The following GFRA2 variants were observed in gnomAD, a reference collection of about 807,000 sequenced individuals.
GFRA2 encodes GDNF family receptor alpha-2.
A neutral mutation model predicts 48.3 loss-of-function variants in GFRA2; 17 were observed. The observed-to-expected ratio is 0.35, with a 90% CI of 0.24 to 0.53. The LOEUF is 0.53. GFRA2 is among the 20% of genes least tolerant of loss of function. The probability of loss-of-function intolerance (pLI) is 0.93; values close to 1 mark genes in which losing one functional copy is unlikely to be tolerated. For missense variants in GFRA2, 660 were observed against 637.3 expected, an observed-to-expected ratio of 1.04 and a Z score of -0.38; for synonymous variants, 305 against 257.2, an observed-to-expected ratio of 1.19 and a Z score of -1.78.
chr8:21,740,111 C>G (rs147955141), intron 4 of GFRA2, among the ~76,000 whole-genome samples: 2 of 152,176 alleles, frequency 1.3e-5, no homozygotes, highest in Non-Finnish European at 2.9e-5. Context: ...TAGAGTCTGT[C>G]CCAAGGCTGA....
chr8:21,803,087 G>C (rs2117116055), intron 2 of GFRA2, among the ~76,000 whole-genome samples: 1 of 152,334 alleles, frequency 6.6e-6, no homozygotes, highest in African/African-American at 2.4e-5. Context: ...ACACCGCAAA[G>C]GTTTATTTAT....
chr8:21,808,672 C>A (rs1807921595), intron 1 of GFRA2, among the ~76,000 whole-genome samples: 1 of 152,222 alleles, frequency 6.6e-6, no homozygotes, highest in African/African-American at 2.4e-5. Context: ...TCCAGAGGAG[C>A]TGAAGTCTCA....
chr8:21,708,286 A>C (rs1226708865), intron 4 of GFRA2, among the ~76,000 whole-genome samples: 1 of 152,170 alleles, frequency 6.6e-6, no homozygotes. Flanking sequence ...TTTCCAAGCA[A>C]TCCTTCACCC....
chr8:21,762,641 A>G (rs1307434088), intron 3 of GFRA2, among the ~76,000 whole-genome samples: 1 of 152,158 alleles, frequency 6.6e-6, no homozygotes, highest in African/African-American at 2.4e-5. Context: ...TGCATTTTAT[A>G]TTTTGTCAAA....
intron 4 of GFRA2, among the ~76,000 whole-genome samples, chr8:21,721,038 G>A (rs1323943310): frequency 6.6e-6 from 1 of 151,474 alleles, no homozygotes; most frequent in Non-Finnish European, 1.5e-5. Flanking sequence ...GGAAGGGAGG[G>A]GAGGGAAGGG....
intron 4 of GFRA2, among the ~76,000 whole-genome samples, chr8:21,717,636 T>A (rs1276729469): frequency 6.6e-6 from 1 of 152,180 alleles, no homozygotes; most frequent in African/African-American, 2.4e-5. Context: ...ATGTTACGGG[T>A]TCTGGAAGCC....
chr8:21,741,433 T>C (rs1317156413), intron 4 of GFRA2, among the ~76,000 whole-genome samples: 2 of 152,144 alleles, frequency 1.3e-5, no homozygotes, highest in East Asian at 1.9e-4. Flanking sequence ...TCTGCCCCTG[T>C]TATTCTCTAT....
At chr8:21,708,095 C>T (rs1802839254) in intron 4 of GFRA2, among the ~76,000 whole-genome samples, 1 of 152,190 alleles carries the variant, frequency 6.6e-6, no homozygotes, top group African/African-American at 2.4e-5. Flanking sequence ...TCTGGCAGGC[C>T]CCAGTGCTCC....
intron 4 of GFRA2, among the ~76,000 whole-genome samples, chr8:21,742,413 G>A (rs1212541590): frequency 1.3e-5 from 2 of 152,100 alleles, no homozygotes; most frequent in African/African-American, 4.8e-5. Flanking sequence ...CTCATCACAG[G>A]GCCTTTATGG....
In GFRA2 at chr8:21,694,075, T is replaced by TATATATATATATATATATA. The variant is rs1563209422; in HGVS notation, c.1272+388_1272+389insTATATATATATATATATAT. ...TATATTTATATATATATTTATTTATTTTTATATATATATATATTTCCTATA... is the reference window on the plus strand; with the variant it reads ...TATATTTATATATATATTTATTTATTATATATATATATATATATATTTATATATATATATATTTCCTATA... On this transcript the variant is annotated intron_variant, in intron 8 of 8. Coordinates refer to ENST00000524240, the MANE Select transcript of GFRA2 (RefSeq NM_001495.5). Among the ~76,000 whole-genome samples the TATATATATATATATATATA allele has an allele frequency of 1.1e-3, 55 of 49,102 alleles. 3 individuals are homozygous for TATATATATATATATATATA. Among genetic ancestry groups the TATATATATATATATATATA allele is most frequent in the African/African-American group, 5.0e-3 (45 of 9,030 alleles). The allele number at this position is 49,102 out of a possible 152,430, so 32.2% of individuals were successfully genotyped here.
chr8:21,786,993 C>G lies in GFRA2; in HGVS notation c.40+1127G>C, dbSNP rs968253845. 1.1e-4 allele frequency among the ~76,000 whole-genome samples: 16 copies of G among 152,068 alleles called. No homozygotes were observed. In the East Asian group the frequency reaches 3.1e-3, roughly 29 times the overall value. On this transcript the variant is annotated intron_variant, in intron 1 of 8. Transcript: ENST00000524240. ...CAGACGTGTGCTCCTTACAAACACA[C>G]TCACACACACACACACATACACAGT...
At chr8:21,736,973 T>C (rs1183407330) in intron 4 of GFRA2, among the ~76,000 whole-genome samples, 1 of 151,232 alleles carries the variant, frequency 6.6e-6, no homozygotes, top group East Asian at 2.0e-4. Flanking sequence ...ACATCATCTA[T>C]TCCTTTCACC....
rs1348400036 is a variant in GFRA2, at chr8:21,778,119, G to A, written c.356-3064C>T. ...GCCAAGGAGAGGCTGAGAATCGGAA[G>A]GAAAATCCAATCCTACACACATCGC... is the stretch of plus-strand genomic sequence containing the variant. On this transcript the variant is annotated intron_variant, in intron 2 of 8. Coordinates refer to ENST00000524240, the MANE Select transcript of GFRA2 (RefSeq NM_001495.5). 5.3e-5 allele frequency among the ~76,000 whole-genome samples: 8 copies of A among 152,308 alleles called. No homozygotes were observed. In the East Asian group the frequency reaches 1.5e-3, roughly 29 times the overall value.
chr8:21,783,303 C>G (rs1440690814), intron 1 of GFRA2, among the ~76,000 whole-genome samples: 1 of 152,144 alleles, frequency 6.6e-6, no homozygotes, highest in African/African-American at 2.4e-5. Context: ...TTGCATACCA[C>G]CCAGGCCTCC....
chr8:21,746,968 C>T (rs539060399), intron 4 of GFRA2, among the ~76,000 whole-genome samples: 19 of 152,140 alleles, frequency 1.2e-4, no homozygotes, highest in Non-Finnish European at 2.2e-4. Flanking sequence ...TAAAGCAATA[C>T]TAATAAAATG....
At chr8:21,747,792 ACACACACACG>A (rs1272682848) in intron 4 of GFRA2, among the ~76,000 whole-genome samples, 2 of 132,494 alleles carry the variant, frequency 1.5e-5, no homozygotes, top group African/African-American at 5.8e-5. Flanking sequence ...ACACACACAC[ACACACACACG>A]CATGCACACA....
intron 4 of GFRA2, among the ~76,000 whole-genome samples, chr8:21,741,395 C>A (rs1804737010): frequency 6.6e-6 from 1 of 152,182 alleles, no homozygotes; most frequent in Non-Finnish European, 1.5e-5. Flanking sequence ...TGCAGATAAA[C>A]TTTTCCTGGC....
chr8:21,747,892 C>G (rs774584269), intron 4 of GFRA2, among the ~76,000 whole-genome samples: 2 of 151,980 alleles, frequency 1.3e-5, no homozygotes, highest in Non-Finnish European at 2.9e-5. Flanking sequence ...TGTGAGACAC[C>G]ACAGCTCAGT....
intron 2 of GFRA2, 105 bp from the exon 3 acceptor site, chr8:21,775,160 G>A: frequency 2.9e-6 from 2 of 689,324 alleles, no homozygotes; most frequent in Non-Finnish European, 5.4e-6. Context: ...GAAAGCTCGT[G>A]CCACCCAAAG....
Sources: allele counts gnomAD v4.1 joint callset (sites outside exome capture counted in the v4.1 genomes callset), GRCh38; gene constraint gnomAD v4.1.1; transcripts MANE v1.5; gene names NCBI Gene and HGNC (gene_info 2026-07-23, HGNC 2026-07-21).